Variants in ATL3 observed in about 807,000 individuals in gnomAD.
The protein encoded by ATL3 is atlastin GTPase 3.
In ATL3, 49 loss-of-function variants were observed where a neutral mutation model predicts 69.5. The ratio of observed to expected loss-of-function variants is 0.71; its 90% CI spans 0.56 to 0.89. ATL3 has a LOEUF of 0.89. Ranked by LOEUF, ATL3 falls within the 40% of genes least tolerant of loss-of-function variation. The pLI is 0.00. For missense variants in ATL3, 606 were observed against 645.7 expected, an observed-to-expected ratio of 0.94 and a Z score of 0.67; for synonymous variants, 214 against 224.1, an observed-to-expected ratio of 0.95 and a Z score of 0.40.
rs919421970 is a variant in ATL3 at position 63,628,429 on chromosome 11, T to A, written c.*890A>T. The A allele has an allele frequency of 2.6e-5, 4 of 152,120 alleles. No homozygotes were observed. Among genetic ancestry groups the A allele is most frequent in the African/African-American group, 9.7e-5 (4 of 41,416 alleles). The allele number at this position is 152,120 out of a possible 1,614,324, so 9.4% of individuals were successfully genotyped here. On this transcript the variant is annotated 3_prime_UTR_variant, in exon 13 of 13. Coordinates refer to ENST00000398868, the MANE Select transcript of ATL3 (RefSeq NM_015459.5). Reference sequence around the variant, plus strand: ...TAAATATGACATGATTTTTCCACACTATGTGGCAACAGGATTCCCTATTGT... The same window carrying A: ...TAAATATGACATGATTTTTCCACACAATGTGGCAACAGGATTCCCTATTGT...
In ATL3 at chr11:63,626,687, A is replaced by G. The variant is rs1014016862; in HGVS notation, c.*2632T>C. The G allele has an allele frequency of 6.6e-6, 1 of 152,202 alleles. No homozygotes were observed. The highest frequency in any genetic ancestry group is 2.4e-5 in the African/African-American group (1 of 41,448). 9.4% of individuals were successfully genotyped at this position (152,202 alleles called of 1,614,324 possible). A position where few individuals can be genotyped will look rare whatever the true frequency, so the allele number is the denominator to read the frequency against. Reference sequence around the variant, plus strand: ...ATGCCTGCATGGAAAGCGGCAGAGCAACAGACACGACGCAAACAGGCACAG... The same window carrying G: ...ATGCCTGCATGGAAAGCGGCAGAGCGACAGACACGACGCAAACAGGCACAG... On this transcript the variant is annotated 3_prime_UTR_variant, in exon 13 of 13. Coordinates refer to ENST00000398868, the MANE Select transcript of ATL3 (RefSeq NM_015459.5).
chr11:63,665,181 A>C (rs1234206244), intron 1 of ATL3, among the ~76,000 whole-genome samples: 14 of 152,052 alleles, frequency 9.2e-5, no homozygotes, highest in Admixed American at 9.2e-4. Flanking sequence ...CTCTGTCTCT[A>C]CTAAAAATAC....
chr11:63,668,884 G>GAA (rs1185676027), intron 1 of ATL3, among the ~76,000 whole-genome samples: 1 of 102,358 alleles, frequency 9.8e-6, no homozygotes, highest in African/African-American at 3.6e-5. Flanking sequence ...GCAGAAAAAA[G>GAA]AAAAAAAAAA....
chr11:63,634,555 C>G (rs1474490253), intron 10 of ATL3, among the ~76,000 whole-genome samples: 1 of 151,936 alleles, frequency 6.6e-6, no homozygotes, highest in Non-Finnish European at 1.5e-5. Flanking sequence ...CAGGCTCTAG[C>G]TCCCTTTATG....
chr11:63,649,697 A>C (rs1000002768), intron 5 of ATL3, among the ~76,000 whole-genome samples: 6 of 151,196 alleles, frequency 4.0e-5, no homozygotes, highest in Admixed American at 1.3e-4. Context: ...GCACCCAGCT[A>C]ATTTTTTTTT....
chr11:63,634,850 C>T (rs1298161423), intron 10 of ATL3, among the ~76,000 whole-genome samples: 1 of 151,798 alleles, frequency 6.6e-6, no homozygotes, highest in Non-Finnish European at 1.5e-5. Flanking sequence ...GACCACATCC[C>T]TATTTTTTTC....
intron 8 of ATL3, among the ~76,000 whole-genome samples, chr11:63,638,737 A>C (rs1002877942): frequency 6.6e-5 from 10 of 152,106 alleles, no homozygotes; most frequent in Admixed American, 4.6e-4. Context: ...CAAAAAAAAA[A>C]AAACTCAGCA....
intron 8 of ATL3, among the ~76,000 whole-genome samples, chr11:63,640,279 A>T (rs894795695): frequency 2.6e-5 from 4 of 151,492 alleles, no homozygotes; most frequent in African/African-American, 9.7e-5. Flanking sequence ...GATGTACCTT[A>T]ATTTTTGTTT....
At chr11:63,642,653 T>G (rs968621636) in intron 8 of ATL3, among the ~76,000 whole-genome samples, 11 of 152,168 alleles carry the variant, frequency 7.2e-5, no homozygotes, top group African/African-American at 2.7e-4. Context: ...CCTTAACTAT[T>G]TTTGCCATTT....
intron 8 of ATL3, among the ~76,000 whole-genome samples, chr11:63,642,268 C>T (rs117629536): frequency 1.5e-3 from 223 of 152,158 alleles, no homozygotes; most frequent in Non-Finnish European, 2.5e-3. Flanking sequence ...CTGTCAATCA[C>T]GTAAAAGTAT....
At chr11:63,654,559 G>A (rs1332900521) in intron 3 of ATL3, among the ~76,000 whole-genome samples, 6 of 150,938 alleles carry the variant, frequency 4.0e-5, no homozygotes, top group South Asian at 2.1e-4. Flanking sequence ...CACCATGCCC[G>A]GCTAATTTTT....
Position 63,631,312 on chromosome 11 carries a change from C to T in ATL3, c.1267G>A (p.Glu423Lys). Residue 423 changes from glutamate to lysine, a missense_variant, in exon 12 of 13, where the codon GAA becomes AAA. Transcript: ENST00000398868. ...TGCTTGCAGAAGTTCTCATATAATTCCTTGATTTCCTCCTCCAGCTCCTGC... is the reference window on the plus strand; with the variant it reads ...TGCTTGCAGAAGTTCTCATATAATTTCTTGATTTCCTCCTCCAGCTCCTGC... ...YQQELEEEIK[E>K]LYENFCKHNG... is the part of the protein sequence containing the mutation. The T allele has an allele frequency of 6.2e-7, 1 of 1,614,160 alleles. No homozygotes were observed. The highest frequency in any genetic ancestry group is 8.5e-7 in the Non-Finnish European group (1 of 1,180,024).
At chr11:63,633,205 C>A (rs2134466444) in intron 10 of ATL3, 108 bp from the exon 11 acceptor site, 2 of 874,122 alleles carry the variant, frequency 2.3e-6, no homozygotes, top group East Asian at 5.2e-5. Flanking sequence ...TTTTTATTAA[C>A]CTTCTATTTT....
chr11:63,636,281 T>C lies in ATL3; in HGVS notation c.904A>G (p.Asn302Asp), dbSNP rs1939513543. ...TCCTTTTCCATTAACTTAGATGGGT[T>C]TAATACATACGGTATCAGTGCCTGT... is the stretch of plus-strand genomic sequence containing the variant. ...QLQALIPYVL[N>D]PSKLMEKEIN... Residue 302 changes from asparagine (N) to aspartate (D), a missense_variant, in exon 9 of 13, where the codon AAC becomes GAC. By Grantham distance (23) the Asn-to-Asp change is conservative. Coordinates refer to ENST00000398868, the MANE Select transcript of ATL3 (RefSeq NM_015459.5). 1 of 1,614,042 alleles carries C rather than the reference T, an allele frequency of 6.2e-7. No homozygotes were observed. The highest frequency in any genetic ancestry group is 1.3e-5 in the African/African-American group (1 of 74,918).
In ATL3 at chr11:63,658,784, C is replaced by T. The variant is rs1940334730; in HGVS notation, c.382G>A (p.Val128Met). Residue 128 changes from valine to methionine, a missense_variant, in exon 3 of 13, where the codon GTG becomes ATG. Coordinates refer to ENST00000398868, the MANE Select transcript of ATL3 (RefSeq NM_015459.5). ...GIQIWSEVFT[V>M]EKPGGKKVAV... ...ACCTTCTTCCCACCTGGCTTCTCCA[C>T]AGTGAAAACTTCACTCCAGATTTGA... 1.2e-6 allele frequency: 2 copies of T among 1,605,656 alleles called. No individual in the cohort carries two copies. Among genetic ancestry groups the T allele is most frequent in the Non-Finnish European group, 1.7e-6 (2 of 1,177,668 alleles).
Position 63,639,074 on chromosome 11 carries a change from T to G in ATL3, c.851-2740A>C, listed in dbSNP as rs561960945. ...ACCATGGAACTGCACAAGTATATAT[T>G]TGAGAAAATATAATGCCTACCCTTT... On this transcript the variant is annotated intron_variant, in intron 8 of 12. Coordinates refer to ENST00000398868, the MANE Select transcript of ATL3 (RefSeq NM_015459.5). Among the ~76,000 whole-genome samples the G allele has an allele frequency of 1.2e-4, 19 of 152,316 alleles. No individual in the cohort carries two copies. The South Asian group carries it at 3.9e-3, about 32-fold the overall frequency.
At chr11:63,653,283 A>G (rs1424762585) in intron 3 of ATL3, among the ~76,000 whole-genome samples, 1 of 152,126 alleles carries the variant, frequency 6.6e-6, no homozygotes, top group Non-Finnish European at 1.5e-5. Context: ...CCCGGCTAAC[A>G]TGGCAAAATC....
In ATL3 at chr11:63,636,284, A is replaced by C; in HGVS notation, c.901T>G (p.Leu301Val). 3.1e-6 allele frequency: 5 copies of C among 1,614,170 alleles called. No homozygotes were observed. Among genetic ancestry groups the C allele is most frequent in the Non-Finnish European group, 4.2e-6 (5 of 1,180,018 alleles). Reference sequence around the variant, plus strand: ...TTTTCCATTAACTTAGATGGGTTTAATACATACGGTATCAGTGCCTGTAAC... The same window carrying C: ...TTTTCCATTAACTTAGATGGGTTTACTACATACGGTATCAGTGCCTGTAAC... ...EQLQALIPYVLNPSKLMEKEI... is the reference protein window; with the variant it reads ...EQLQALIPYVVNPSKLMEKEI... The change falls in exon 9 of 13, where the codon TTA becomes GTA. Residue 301 changes from leucine to valine, a missense_variant. Coordinates refer to ENST00000398868, the MANE Select transcript of ATL3 (RefSeq NM_015459.5).
Position 63,635,514 on chromosome 11 carries a change from G to C in ATL3, c.1035+20C>G, listed in dbSNP as rs1465571304. The C allele has an allele frequency of 6.2e-7, 1 of 1,603,986 alleles. No homozygotes were observed. Among genetic ancestry groups the C allele is most frequent in the Non-Finnish European group, 8.5e-7 (1 of 1,171,448 alleles). ...CAAGTAATTTAAGGGTAGCGTTTAGGATGTCAAATCATTGTTTACCTGAAG... is the reference window on the plus strand; with the variant it reads ...CAAGTAATTTAAGGGTAGCGTTTAGCATGTCAAATCATTGTTTACCTGAAG... On this transcript the variant is annotated intron_variant, in intron 10 of 12. Transcript: ENST00000398868.
Sources: gnomAD v4.1 joint callset for allele counts (sites outside exome capture counted in the v4.1 genomes callset) on GRCh38, gnomAD v4.1.1 for gene constraint, MANE v1.5 for transcripts, NCBI Gene and HGNC (gene_info 2026-07-23, HGNC 2026-07-21) for gene names.